IREB2: variants seen among roughly 807,000 people sequenced by gnomAD.
The protein encoded by IREB2 is iron-responsive element-binding protein 2.
A neutral mutation model predicts 118.8 loss-of-function variants in IREB2; 39 were observed. The ratio of observed to expected loss-of-function variants is 0.33; its 90% CI spans 0.25 to 0.43. IREB2 has a LOEUF of 0.43. IREB2 is among the 20% of genes least tolerant of loss of function. IREB2 has a pLI of 1.00. For synonymous variants in IREB2, 372 were observed against 392.2 expected (o/e 0.95, Z 0.61); for missense variants, 900 against 1,147.3 (o/e 0.78, Z 3.11).
At chr15:78,459,429 A>G (rs1402249164) in intron 2 of IREB2, among the ~76,000 whole-genome samples, 1 of 152,074 alleles carries the variant, frequency 6.6e-6, no homozygotes, top group Non-Finnish European at 1.5e-5. Context: ...CGCTCGGTGT[A>G]GAATCTGCCT....
intron 6 of IREB2, 33 bp from the exon 7 acceptor site, chr15:78,471,708 C>A: frequency 7.3e-7 from 1 of 1,379,154 alleles, no homozygotes; most frequent in Admixed American, 2.1e-5. Flanking sequence ...TATATACTAA[C>A]ATTTGTATTT....
chr15:78,470,510 T>C (rs1376665455), intron 5 of IREB2, 22 bp from the exon 6 acceptor site: 1 of 1,545,806 alleles, frequency 6.5e-7, no homozygotes, highest in South Asian at 1.2e-5. Flanking sequence ...ATACGTTTAA[T>C]GCCAGCTCTT....
intron 14 of IREB2, 29 bp downstream of exon 14, chr15:78,487,846 A>G (rs1461453116): frequency 7.7e-6 from 10 of 1,300,568 alleles, no homozygotes; most frequent in Non-Finnish European, 1.1e-5. Flanking sequence ...CAAGACATCT[A>G]AATGATTTTC....
intron 1 of IREB2, 148 bp downstream of exon 1, chr15:78,438,504 GGGCCGCCCTTTGAGCCTA>G: frequency 2.3e-6 from 2 of 881,308 alleles, no homozygotes; most frequent in Admixed American, 4.4e-5. Flanking sequence ...CCTGCCTGCT[GGGCCGCCCTTTGAGCCTA>G]GGCCGCGGAA....
chr15:78,454,725 A>G (rs1233044724), intron 2 of IREB2, among the ~76,000 whole-genome samples: 6 of 152,276 alleles, frequency 3.9e-5, no homozygotes, highest in African/African-American at 1.4e-4. Context: ...ACAGGGTCTT[A>G]CTCTGTCGCC....
chr15:78,470,286 T>A (rs184589420), intron 5 of IREB2, among the ~76,000 whole-genome samples: 1 of 152,200 alleles, frequency 6.6e-6, no homozygotes, highest in African/African-American at 2.4e-5. Context: ...GTTTTGGACA[T>A]TGGTGTAATG....
chr15:78,484,813 C>G lies in IREB2; in HGVS notation c.1466C>G (p.Ser489Cys), dbSNP rs762552754. Reference protein sequence around the residue: ...IAAEKQKDIVSIHYEGSEYKL... With the variant: ...IAAEKQKDIVCIHYEGSEYKL... ...GCTGAAAAACAAAAGGATATTGTCT[C>G]CATTCATTATGAAGGAAGTGAATAT... is the stretch of plus-strand genomic sequence containing the variant. Residue 489 changes from serine to cysteine, a missense_variant, in exon 12 of 22, where the codon TCC (serine) becomes TGC (cysteine). Transcript: ENST00000258886. 3 of 1,613,240 alleles carry G rather than the reference C, an allele frequency of 1.9e-6. No homozygotes were observed. Among genetic ancestry groups the G allele is most frequent in the Non-Finnish European group, 2.5e-6 (3 of 1,179,380 alleles).
intron 7 of IREB2, 117 bp from the exon 8 acceptor site, chr15:78,473,125 G>A (rs2051407300): frequency 9.8e-6 from 9 of 921,774 alleles, no homozygotes; most frequent in East Asian, 2.5e-5. Context: ...TAGCAATATA[G>A]CAACTCTGCA....
chr15:78,486,741 C>T (rs921073750), intron 13 of IREB2, among the ~76,000 whole-genome samples: 16 of 152,018 alleles, frequency 1.1e-4, no homozygotes, highest in African/African-American at 3.9e-4. Context: ...GCAATCACAG[C>T]TCATTGCAGC....
At chr15:78,469,599 T>G (rs2051341296) in intron 5 of IREB2, among the ~76,000 whole-genome samples, 1 of 152,016 alleles carries the variant, frequency 6.6e-6, no homozygotes. Flanking sequence ...GGTGCATACC[T>G]GTAATCCCAG....
chr15:78,472,057 A>G, intron 7 of IREB2, 133 bp downstream of exon 7: 1 of 601,740 alleles, frequency 1.7e-6, no homozygotes. Flanking sequence ...AACAGCAGCA[A>G]CAACAAAATC....
intron 15 of IREB2, 128 bp downstream of exon 15, chr15:78,488,464 G>T (rs894947799): frequency 1.0e-6 from 1 of 994,572 alleles, no homozygotes; most frequent in African/African-American, 1.7e-5. Context: ...ATAATGTATA[G>T]TTATTAATTT....
At chr15:78,469,704 A>G (rs1480371671) in intron 5 of IREB2, among the ~76,000 whole-genome samples, 1 of 152,068 alleles carries the variant, frequency 6.6e-6, no homozygotes, top group Non-Finnish European at 1.5e-5. Context: ...AGCCTGGGCA[A>G]CAAGAGCGAA....
chr15:78,443,695 G>A (rs2050882300), intron 2 of IREB2, among the ~76,000 whole-genome samples: 1 of 151,806 alleles, frequency 6.6e-6, no homozygotes. Flanking sequence ...TACCTAGGCT[G>A]GAGTGCAGTG....
rs546913339 is a variant in IREB2 at position 78,489,659 on chromosome 15, C to T, written c.2077-763C>T. On this transcript the variant is annotated intron_variant, in intron 16 of 21. Coordinates refer to ENST00000258886, the MANE Select transcript of IREB2 (RefSeq NM_004136.4). ...CCTCCTGAGTAGCTGGGGCCACAGG[C>T]GCTCACCATCAGGCCCAGCTAATTT... Among the ~76,000 whole-genome samples the T allele has an allele frequency of 2.3e-4, 35 of 152,118 alleles. 2 individuals carry two copies. In the South Asian group the frequency reaches 7.0e-3, roughly 31 times the overall value.
intron 2 of IREB2, among the ~76,000 whole-genome samples, chr15:78,446,079 C>T (rs2568491): frequency 0.029 from 4,367 of 152,260 alleles, 221 homozygotes; most frequent in African/African-American, 0.1. Context: ...CCATTGTATC[C>T]AGCTCACCTG....
In IREB2 at chr15:78,499,679, C is replaced by G. The variant is rs182728971; in HGVS notation, c.*1536C>G. On this transcript the variant is annotated 3_prime_UTR_variant, in exon 22 of 22. Coordinates refer to ENST00000258886, the MANE Select transcript of IREB2 (RefSeq NM_004136.4). ...TTTTGTATAAGTATTTTCTTCGACA[C>G]TTTCAAATTATATTGTGTTCTTGAT... The G allele has an allele frequency of 3.2e-4, 49 of 152,238 alleles. No individual in the cohort carries two copies. Among genetic ancestry groups the G allele is most frequent in the African/African-American group, 1.1e-3 (47 of 41,530 alleles). 9.4% of individuals were successfully genotyped at this position (152,238 alleles called of 1,614,324 possible).
At chr15:78,476,136 G>A in intron 8 of IREB2, 52 bp from the exon 9 acceptor site, 4 of 1,352,732 alleles carry the variant, frequency 3.0e-6, no homozygotes, top group Non-Finnish European at 4.0e-6. Flanking sequence ...GACAATCGTT[G>A]CTAATCTTAT....
chr15:78,490,475 A>G lies in IREB2; in HGVS notation c.2130A>G (p.Pro710=), dbSNP rs773339483. ...SLEAPDSVLF[P]WDLKSTYIRC... ...AAGCACCGGATTCAGTTTTGTTTCC[A>G]TGGGACTTAAAGTCTACTTATATCA... The change falls in exon 17 of 22, where the codon CCA becomes CCG. Residue 710 remains proline, a synonymous_variant. Coordinates refer to ENST00000258886, the MANE Select transcript of IREB2 (RefSeq NM_004136.4). 36 of 1,609,610 alleles carry G rather than the reference A, an allele frequency of 2.2e-5. No homozygotes were observed. The highest frequency in any genetic ancestry group is 3.1e-5 in the Non-Finnish European group (36 of 1,178,846).
Sources: gnomAD v4.1 joint callset for allele counts (sites outside exome capture counted in the v4.1 genomes callset) on GRCh38, gnomAD v4.1.1 for gene constraint, MANE v1.5 for transcripts, NCBI Gene and HGNC (gene_info 2026-07-23, HGNC 2026-07-21) for gene names.